CNTLN: variants seen among roughly 807,000 people sequenced by gnomAD.
CNTLN encodes the protein centlein, also known as centlein, centrosomal protein.
In CNTLN, 212 loss-of-function variants were observed where a neutral mutation model predicts 180.0. The ratio of observed to expected loss-of-function variants is 1.18; its 90% CI spans 1.05 to 1.32. The LOEUF is 1.32. Ranked by LOEUF, CNTLN falls within the 40% of genes most tolerant of loss-of-function variation. CNTLN has a pLI of 0.00. For synonymous variants in CNTLN, 722 were observed against 563.1 expected (o/e 1.28, Z -3.99); for missense variants, 2,095 against 1,610.9 (o/e 1.30, Z -5.14).
chr9:17,222,118 AAAAAAC>A (rs1215839215), intron 2 of CNTLN, among the ~76,000 whole-genome samples: 1 of 152,046 alleles, frequency 6.6e-6, no homozygotes, highest in African/African-American at 2.4e-5. Context: ...CCATGTTTAA[AAAAAAC>A]AAAAACAAAA....
chr9:17,356,800 A>G (rs1564024480), intron 12 of CNTLN, among the ~76,000 whole-genome samples: 1 of 152,142 alleles, frequency 6.6e-6, no homozygotes, highest in Non-Finnish European at 1.5e-5. Flanking sequence ...GTAATTTAAA[A>G]TTGTGATTAA....
chr9:17,258,258 T>G lies in CNTLN; in HGVS notation c.850-15475T>G, dbSNP rs1391880729. Among the ~76,000 whole-genome samples the G allele has an allele frequency of 1.4e-3, 199 of 146,908 alleles. 3 individuals carry two copies. The highest frequency in any genetic ancestry group is 4.9e-3 in the African/African-American group (187 of 38,080). ...GAATCCTTTCCCCATTGCTTGTTTT[T>G]CTCAGGTTTGTCAAAGATCAGATAG... On this transcript the variant is annotated intron_variant, in intron 5 of 25. Coordinates refer to ENST00000380647, the MANE Select transcript of CNTLN (RefSeq NM_017738.4).
intron 5 of CNTLN, among the ~76,000 whole-genome samples, chr9:17,257,468 T>A (rs1479889872): frequency 1.3e-5 from 2 of 151,966 alleles, no homozygotes; most frequent in Non-Finnish European, 2.9e-5. Flanking sequence ...GCAGCATGAT[T>A]TATAGTCCTT....
At chr9:17,521,441 C>T in the CNTLN span, among the ~76,000 whole-genome samples, 7 of 152,174 alleles carry the variant, frequency 4.6e-5, no homozygotes, top group East Asian at 1.9e-4. Flanking sequence ...TAGAAAAGGA[C>T]GACTAGCAAG....
intron 3 of CNTLN, among the ~76,000 whole-genome samples, chr9:17,228,960 A>G (rs80066366): frequency 6.6e-6 from 1 of 152,176 alleles, no homozygotes; most frequent in Non-Finnish European, 1.5e-5. Flanking sequence ...TAGGAATTCC[A>G]TTTAGAGATT....
chr9:17,190,068 T>TA (rs913256561), intron 2 of CNTLN, among the ~76,000 whole-genome samples: 3 of 151,084 alleles, frequency 2.0e-5, no homozygotes, highest in African/African-American at 7.3e-5. Flanking sequence ...TGAGCTTCCT[T>TA]ACTCCAGTCT....
At chr9:17,197,387 A>G (rs1041999258) in intron 2 of CNTLN, among the ~76,000 whole-genome samples, 8 of 152,124 alleles carry the variant, frequency 5.3e-5, no homozygotes, top group South Asian at 2.1e-4. Flanking sequence ...CTGATGATCA[A>G]TGATGTTGAG....
chr9:17,346,256 A>T (rs1821882574), intron 12 of CNTLN, among the ~76,000 whole-genome samples: 1 of 151,948 alleles, frequency 6.6e-6, no homozygotes, highest in African/African-American at 2.4e-5. Flanking sequence ...CCAGCATGAG[A>T]TCTCACTAGC....
intron 5 of CNTLN, among the ~76,000 whole-genome samples, chr9:17,253,183 T>C (rs996779226): frequency 6.6e-6 from 1 of 151,824 alleles, no homozygotes; most frequent in Non-Finnish European, 1.5e-5. Context: ...CCTTGTAATA[T>C]GTTTTGAAGT....
chr9:17,142,566 G>T (rs970737196), intron 1 of CNTLN, among the ~76,000 whole-genome samples: 1 of 152,172 alleles, frequency 6.6e-6, no homozygotes, highest in Non-Finnish European at 1.5e-5. Context: ...AATGGCTCTA[G>T]ATAGAAATGT....
chr9:17,504,465 G>T (rs143262842), downstream of CNTLN, among the ~76,000 whole-genome samples: 1 of 152,098 alleles, frequency 6.6e-6, no homozygotes, highest in Non-Finnish European at 1.5e-5. Context: ...AGAAAATATG[G>T]TAGACTGAGA....
intron 23 of CNTLN, among the ~76,000 whole-genome samples, chr9:17,479,618 T>C (rs1832532051): frequency 6.6e-6 from 1 of 152,186 alleles, no homozygotes; most frequent in South Asian, 2.1e-4. Context: ...TGTACAACAT[T>C]GTACATATAG....
intron 2 of CNTLN, among the ~76,000 whole-genome samples, chr9:17,187,582 A>T (rs1821511831): frequency 6.6e-6 from 1 of 152,008 alleles, no homozygotes; most frequent in South Asian, 2.1e-4. Flanking sequence ...TTTGTTTTAT[A>T]AAAGTTGGAT....
At chr9:17,392,328 A>T (rs1036001095) in intron 14 of CNTLN, among the ~76,000 whole-genome samples, 3 of 152,122 alleles carry the variant, frequency 2.0e-5, no homozygotes, top group African/African-American at 7.2e-5. Flanking sequence ...TGTTTTACTC[A>T]CTCCCCTTTG....
intron 5 of CNTLN, among the ~76,000 whole-genome samples, chr9:17,249,233 A>C (rs1030118441): frequency 6.6e-5 from 10 of 152,194 alleles, no homozygotes; most frequent in African/African-American, 1.2e-4. Context: ...CTTCTGAGCA[A>C]CTGCATTTGC....
At chr9:17,350,646 A>T (rs1036263534) in intron 12 of CNTLN, among the ~76,000 whole-genome samples, 1 of 152,114 alleles carries the variant, frequency 6.6e-6, no homozygotes, top group African/African-American at 2.4e-5. Context: ...GAGAAATTCA[A>T]GATCATGGTG....
At chr9:17,258,922 A>G (rs1563928430) in intron 5 of CNTLN, among the ~76,000 whole-genome samples, 1 of 149,356 alleles carries the variant, frequency 6.7e-6, no homozygotes, top group Non-Finnish European at 1.5e-5. Context: ...ATCTGCAAAC[A>G]GGGACAATTT....
the CNTLN span, among the ~76,000 whole-genome samples, chr9:17,528,303 G>T: frequency 6.6e-6 from 1 of 152,140 alleles, no homozygotes; most frequent in African/African-American, 2.4e-5. Context: ...AGTCTCATTG[G>T]TAATACTGTG....
chr9:17,276,789 AG>A (rs1279694439), intron 6 of CNTLN, among the ~76,000 whole-genome samples: 2 of 152,066 alleles, frequency 1.3e-5, no homozygotes, highest in African/African-American at 4.8e-5. Context: ...TTATATTAAT[AG>A]TATCAAATAC....
Sources: allele counts gnomAD v4.1 joint callset (sites outside exome capture counted in the v4.1 genomes callset), GRCh38; gene constraint gnomAD v4.1.1; transcripts MANE v1.5; gene names NCBI Gene and HGNC (gene_info 2026-07-23, HGNC 2026-07-21).